ROBO1: variants seen among roughly 807,000 people sequenced by gnomAD.
The protein encoded by ROBO1 is roundabout homolog 1.
In ROBO1, 149 loss-of-function variants were observed where a neutral mutation model predicts 195.9. The ratio of observed to expected loss-of-function variants is 0.76; its 90% confidence interval spans 0.67 to 0.87. ROBO1 has a LOEUF of 0.87. ROBO1 is among the 40% of genes least tolerant of loss of function. ROBO1 has a pLI of 0.00. For missense variants in ROBO1, 1,933 were observed against 2,068.3 expected, an observed-to-expected ratio of 0.93 and a Z score of 1.27; for synonymous variants, 816 against 733.2, an observed-to-expected ratio of 1.11 and a Z score of -1.82.
intron 26 of ROBO1, 95 bp downstream of exon 26, chr3:78,627,226 A>G (rs1431247556): frequency 2.2e-5 from 30 of 1,381,068 alleles, no homozygotes; most frequent in Non-Finnish European, 2.8e-5. Flanking sequence ...GGCTTATGAG[A>G]CAAGAAAATT....
chr3:79,681,068 C>T (rs1201081249), intron 1 of ROBO1, among the ~76,000 whole-genome samples: 4 of 151,922 alleles, frequency 2.6e-5, no homozygotes, highest in Admixed American at 1.3e-4. Flanking sequence ...TACATGGATA[C>T]CAAATCACCT....
chr3:78,756,877 C>A (rs2082946169), intron 4 of ROBO1, among the ~76,000 whole-genome samples: 2 of 151,888 alleles, frequency 1.3e-5, no homozygotes, highest in Admixed American at 6.6e-5. Flanking sequence ...AGAATCATAA[C>A]TTTTTTATTT....
At chr3:79,701,710 T>C (rs1407098560) in intron 1 of ROBO1, among the ~76,000 whole-genome samples, 2 of 151,674 alleles carry the variant, frequency 1.3e-5, no homozygotes, top group Non-Finnish European at 2.9e-5. Flanking sequence ...CACATGGATA[T>C]TGAGTGATTG....
chr3:79,332,232 A>G (rs1252704917), intron 2 of ROBO1, among the ~76,000 whole-genome samples: 1 of 152,086 alleles, frequency 6.6e-6, no homozygotes, highest in African/African-American at 2.4e-5. Flanking sequence ...GCAGGTACTA[A>G]CAAGTGCTAA....
chr3:79,046,704 A>G (rs556990375), intron 3 of ROBO1, among the ~76,000 whole-genome samples: 41 of 152,116 alleles, frequency 2.7e-4, no homozygotes, highest in African/African-American at 8.9e-4. Flanking sequence ...TGCCTGCATT[A>G]TGTTCGCTGG....
chr3:79,013,394 A>C (rs1269346636), intron 3 of ROBO1, among the ~76,000 whole-genome samples: 1 of 152,232 alleles, frequency 6.6e-6, no homozygotes, highest in African/African-American at 2.4e-5. Context: ...ATCAAGGCTC[A>C]ATGTGAACTG....
intron 2 of ROBO1, among the ~76,000 whole-genome samples, chr3:79,252,830 A>T (rs1464446840): frequency 1.3e-5 from 2 of 152,186 alleles, no homozygotes; most frequent in African/African-American, 4.8e-5. Flanking sequence ...ACACAGAAGT[A>T]CGCAGCCACA....
chr3:79,758,800 T>C (rs773778113), intron 1 of ROBO1, among the ~76,000 whole-genome samples: 2 of 152,006 alleles, frequency 1.3e-5, no homozygotes, highest in Admixed American at 6.6e-5. Flanking sequence ...CTGGAGTCTA[T>C]GAAAGGCAGA....
At chr3:79,005,723 A>G (rs1444389530) in intron 3 of ROBO1, among the ~76,000 whole-genome samples, 1 of 152,192 alleles carries the variant, frequency 6.6e-6, no homozygotes, top group East Asian at 1.9e-4. Context: ...TCAATATTTT[A>G]TAAGTCAAAT....
intron 5 of ROBO1, among the ~76,000 whole-genome samples, chr3:78,740,493 CAG>C (rs1233940913): frequency 4.3e-5 from 5 of 115,064 alleles, no homozygotes; most frequent in Non-Finnish European, 9.7e-5. Context: ...TTTTTTGAAA[CAG>C]GGTTTCACTC....
chr3:78,755,797 A>AT (rs2082914400), intron 4 of ROBO1, among the ~76,000 whole-genome samples: 3 of 152,202 alleles, frequency 2.0e-5, no homozygotes. Flanking sequence ...AGATATCCTT[A>AT]TTTTTTAAAA....
intron 3 of ROBO1, among the ~76,000 whole-genome samples, chr3:79,030,577 G>A (rs969717181): frequency 1.3e-5 from 2 of 152,140 alleles, no homozygotes; most frequent in Non-Finnish European, 2.9e-5. Flanking sequence ...GGAGAGTACT[G>A]TAAATATTTA....
chr3:79,363,976 G>A (rs1416875258), intron 2 of ROBO1, among the ~76,000 whole-genome samples: 2 of 151,928 alleles, frequency 1.3e-5, no homozygotes, highest in African/African-American at 2.4e-5. Context: ...AGGCTGAGGC[G>A]GGTGGATCAC....
intron 8 of ROBO1, among the ~76,000 whole-genome samples, chr3:78,698,197 T>C (rs2081344051): frequency 6.6e-6 from 1 of 152,158 alleles, no homozygotes; most frequent in African/African-American, 2.4e-5. Context: ...TTTATTCAAA[T>C]ACAAGAGCCC....
chr3:79,754,027 G>A (rs919558762), intron 1 of ROBO1, among the ~76,000 whole-genome samples: 9 of 152,074 alleles, frequency 5.9e-5, no homozygotes, highest in Admixed American at 2.0e-4. Flanking sequence ...TTAAGGGTGC[G>A]GGTGGTCTAA....
chr3:79,327,757 C>T (rs1200609996), intron 2 of ROBO1, among the ~76,000 whole-genome samples: 2 of 152,170 alleles, frequency 1.3e-5, no homozygotes, highest in South Asian at 4.1e-4. Flanking sequence ...CTCTAGTCCT[C>T]ATCAATCCTT....
In ROBO1 at chr3:78,709,005, A is replaced by G. The variant is rs532309206; in HGVS notation, c.1045+5392T>C. On this transcript the variant is annotated intron_variant, in intron 8 of 30. Coordinates refer to ENST00000464233, the MANE Select transcript of ROBO1 (RefSeq NM_002941.4). ...TTTGTTTGTGTATTTTAGGTTCACA[A>G]AAAGATTTCTTGAAAGAAAGGTATG... is the stretch of plus-strand genomic sequence containing the variant. Among the ~76,000 whole-genome samples, 257 of 152,300 alleles carry G rather than the reference A, an allele frequency of 1.7e-3. 1 individual carries two copies. Among genetic ancestry groups the G allele is most frequent in the African/African-American group, 6.0e-3 (249 of 41,562 alleles).
chr3:78,896,715 G>T (rs2037261997), intron 4 of ROBO1, among the ~76,000 whole-genome samples: 2 of 142,388 alleles, frequency 1.4e-5, no homozygotes, highest in Admixed American at 1.4e-4. Context: ...AATAAATATT[G>T]CCATGTGTCT....
At chr3:79,700,110 A>G (rs1023006840) in intron 1 of ROBO1, among the ~76,000 whole-genome samples, 2 of 151,628 alleles carry the variant, frequency 1.3e-5, no homozygotes, top group African/African-American at 4.8e-5. Context: ...TCCTATGTTA[A>G]TTTGCTTAGG....
Sources: allele counts gnomAD v4.1 joint callset (sites outside exome capture counted in the v4.1 genomes callset), GRCh38; gene constraint gnomAD v4.1.1; transcripts MANE v1.5; gene names NCBI Gene and HGNC (gene_info 2026-07-23, HGNC 2026-07-21).